DCLK1: variants seen among roughly 807,000 people sequenced by gnomAD.
DCLK1 encodes the protein serine/threonine-protein kinase DCLK1.
A neutral mutation model predicts 86.2 loss-of-function variants in DCLK1; 16 were observed. That is an observed-to-expected ratio of 0.19 (90% CI 0.13 to 0.28). The LOEUF (loss-of-function observed/expected upper bound fraction) is 0.28, where lower values mean the gene tolerates loss of function less well. Ranked by LOEUF, DCLK1 falls within the 10% of genes least tolerant of loss-of-function variation. The probability of loss-of-function intolerance (pLI) is 1.00; values close to 1 mark genes in which losing one functional copy is unlikely to be tolerated. For missense variants in DCLK1, 590 were observed against 940.2 expected, an observed-to-expected ratio of 0.63 and a Z score of 4.87; for synonymous variants, 369 against 370.5, an observed-to-expected ratio of 1.00 and a Z score of 0.05.
At chr13:36,114,796 C>A (rs1211480385) in intron 2 of DCLK1, among the ~76,000 whole-genome samples, 1 of 152,104 alleles carries the variant, frequency 6.6e-6, no homozygotes, top group African/African-American at 2.4e-5. Flanking sequence ...GGCTAATTAT[C>A]ATCGATTATT....
intron 3 of DCLK1, among the ~76,000 whole-genome samples, chr13:36,087,859 A>T (rs1884667235): frequency 6.6e-6 from 1 of 152,210 alleles, no homozygotes; most frequent in Admixed American, 6.5e-5. Context: ...AGGGGAAGGC[A>T]GGGAAGGTGG....
At chr13:35,853,506 G>A (rs923944192) in intron 6 of DCLK1, among the ~76,000 whole-genome samples, 4 of 152,312 alleles carry the variant, frequency 2.6e-5, no homozygotes, top group African/African-American at 7.2e-5. Flanking sequence ...ACTCTTAGAC[G>A]TCTGGCAGCC....
chr13:36,104,440 A>C (rs1316642292), intron 3 of DCLK1, among the ~76,000 whole-genome samples: 1 of 152,174 alleles, frequency 6.6e-6, no homozygotes, highest in African/African-American at 2.4e-5. Flanking sequence ...GCTACATACA[A>C]TGTACAGTGA....
At chr13:36,111,506 A>G (rs1041860439) in intron 3 of DCLK1, among the ~76,000 whole-genome samples, 1 of 152,222 alleles carries the variant, frequency 6.6e-6, no homozygotes, top group Non-Finnish European at 1.5e-5. Flanking sequence ...AATTTTCCCT[A>G]CTGGTCAGAG....
chr13:35,906,504 A>G (rs1193810048), intron 4 of DCLK1, among the ~76,000 whole-genome samples: 1 of 152,190 alleles, frequency 6.6e-6, no homozygotes, highest in Non-Finnish European at 1.5e-5. Flanking sequence ...CATTTGTGCT[A>G]GATTTTGATG....
chr13:36,004,155 T>C (rs954831360), intron 3 of DCLK1, among the ~76,000 whole-genome samples: 5 of 152,234 alleles, frequency 3.3e-5, no homozygotes, highest in African/African-American at 7.2e-5. Flanking sequence ...CAGCGTCAGC[T>C]TCCTTTTTGG....
At chr13:36,029,432 A>C (rs772693653) in intron 3 of DCLK1, among the ~76,000 whole-genome samples, 15 of 152,216 alleles carry the variant, frequency 9.9e-5, no homozygotes, top group Non-Finnish European at 1.6e-4. Flanking sequence ...AGTGTCTTGC[A>C]GTGAACCAGA....
chr13:35,832,588 A>G (rs1028960455), intron 8 of DCLK1, among the ~76,000 whole-genome samples: 3 of 152,162 alleles, frequency 2.0e-5, no homozygotes, highest in Admixed American at 6.5e-5. Context: ...TATATTGTGG[A>G]AACTCCAGAG....
chr13:36,062,024 A>G (rs17053379), intron 3 of DCLK1, among the ~76,000 whole-genome samples: 2,097 of 152,216 alleles, frequency 0.014, 51 homozygotes, highest in African/African-American at 0.048. Flanking sequence ...GTCAGGTACA[A>G]TTCTGTTTGA....
Position 36,038,541 on chromosome 13 carries a change from A to C in DCLK1, c.723+73328T>G, listed in dbSNP as rs140792879. Among the ~76,000 whole-genome samples, 195 of 152,338 alleles carry C rather than the reference A, an allele frequency of 1.3e-3. 2 individuals carry two copies. The East Asian group carries it at 0.034, about 27-fold the overall frequency. Reference sequence around the variant, plus strand: ...GCACATACCTGTTTTTGTTTTAATCAAATGCATAATCTCAGAGGCTTTTCC... The same window carrying C: ...GCACATACCTGTTTTTGTTTTAATCCAATGCATAATCTCAGAGGCTTTTCC... On this transcript the variant is annotated intron_variant, in intron 3 of 16. Coordinates refer to ENST00000360631, the MANE Select transcript of DCLK1 (RefSeq NM_001330071.2).
At chr13:35,953,156 T>C (rs1286697260) in intron 3 of DCLK1, among the ~76,000 whole-genome samples, 3 of 152,218 alleles carry the variant, frequency 2.0e-5, no homozygotes, top group Non-Finnish European at 4.4e-5. Flanking sequence ...CTGAATCCTT[T>C]CAACTCTGAA....
At chr13:36,076,032 A>G (rs1001608253) in intron 3 of DCLK1, among the ~76,000 whole-genome samples, 27 of 152,200 alleles carry the variant, frequency 1.8e-4, no homozygotes, top group Non-Finnish European at 3.1e-4. Flanking sequence ...CTCAAAAAAA[A>G]TGCTAATTTT....
intron 3 of DCLK1, among the ~76,000 whole-genome samples, chr13:36,032,779 T>A (rs1277701897): frequency 6.6e-6 from 1 of 152,224 alleles, no homozygotes; most frequent in Non-Finnish European, 1.5e-5. Flanking sequence ...AAGGTTCTTT[T>A]GGTGTCTTCT....
At chr13:35,857,995 C>T (rs1459136685) in intron 5 of DCLK1, among the ~76,000 whole-genome samples, 3 of 152,122 alleles carry the variant, frequency 2.0e-5, no homozygotes, top group African/African-American at 7.2e-5. Flanking sequence ...TGGTTTTTAT[C>T]CAAAGGGCAA....
At chr13:35,948,266 C>T (rs1444121876) in intron 3 of DCLK1, among the ~76,000 whole-genome samples, 1 of 152,230 alleles carries the variant, frequency 6.6e-6, no homozygotes, top group Non-Finnish European at 1.5e-5. Flanking sequence ...GTAATACCAA[C>T]ACTAGGAACA....
At chr13:36,109,528 T>TAA (rs1320391055) in intron 3 of DCLK1, among the ~76,000 whole-genome samples, 2 of 152,202 alleles carry the variant, frequency 1.3e-5, no homozygotes, top group African/African-American at 4.8e-5. Context: ...AATAAGCAAG[T>TAA]TGTTATGAGG....
At chr13:35,965,313 G>T (rs1358773736) in intron 3 of DCLK1, among the ~76,000 whole-genome samples, 2 of 152,166 alleles carry the variant, frequency 1.3e-5, no homozygotes, top group Non-Finnish European at 2.9e-5. Flanking sequence ...CTGGGCATGC[G>T]TTGGCCATTT....
At chr13:35,993,555 T>C (rs1880335114) in intron 3 of DCLK1, among the ~76,000 whole-genome samples, 1 of 152,118 alleles carries the variant, frequency 6.6e-6, no homozygotes, top group African/African-American at 2.4e-5. Flanking sequence ...TCTGTGAAAC[T>C]TGGGGAAAGG....
intron 5 of DCLK1, 78 bp downstream of exon 5, chr13:35,871,146 C>T: frequency 8.2e-7 from 1 of 1,222,926 alleles, no homozygotes; most frequent in Non-Finnish European, 1.2e-6. Flanking sequence ...AAACCTCACA[C>T]TCTAGGCTTC....
Sources: allele counts gnomAD v4.1 joint callset (sites outside exome capture counted in the v4.1 genomes callset), GRCh38; gene constraint gnomAD v4.1.1; transcripts MANE v1.5; gene names NCBI Gene and HGNC (gene_info 2026-07-23, HGNC 2026-07-21).